The following CCNH variants were observed in gnomAD, a reference collection of about 807,000 sequenced individuals.
The protein encoded by CCNH is cyclin-H.
A neutral mutation model predicts 41.9 loss-of-function variants in CCNH; 31 were observed. That is an observed-to-expected ratio of 0.74 (90% CI 0.56 to 1.00). CCNH has a LOEUF of 1.00. Among genes scored for constraint, CCNH ranks in the 50% least tolerant of loss-of-function variants. The pLI is 0.00. For synonymous variants in CCNH, 138 were observed against 136.1 expected (o/e 1.01, Z -0.10); for missense variants, 362 against 388.4 (o/e 0.93, Z 0.57).
chr5:87,396,125 C>T (rs898915687), intron 7 of CCNH, among the ~76,000 whole-genome samples: 1 of 152,114 alleles, frequency 6.6e-6, no homozygotes, highest in Non-Finnish European at 1.5e-5. Flanking sequence ...TAACTATTTA[C>T]ATAACATTTA....
chr5:87,391,357 A>T (rs1165505600), downstream of CCNH: 3 of 282,574 alleles, frequency 1.1e-5, no homozygotes, highest in Non-Finnish European at 2.0e-5. Context: ...TGACCATTTG[A>T]CTGTTCAATG....
intron 8 of CCNH, 64 bp from the exon 9 acceptor site, chr5:87,394,548 A>ACCTCC: frequency 6.3e-7 from 1 of 1,596,308 alleles, no homozygotes; most frequent in Non-Finnish European, 8.5e-7. Flanking sequence ...TTTACCTCTT[A>ACCTCC]CCTCCCTTTA....
chr5:87,314,413 GA>G (rs1427237959), downstream of CCNH, among the ~76,000 whole-genome samples: 6 of 152,254 alleles, frequency 3.9e-5, no homozygotes, highest in South Asian at 4.1e-4. Context: ...CAGTAAAACT[GA>G]AAAATCTGTT....
chr5:87,383,798 C>CATTTTG, intron 9 of CCNH: 1 of 1,574,946 alleles, frequency 6.3e-7, no homozygotes, highest in Non-Finnish European at 8.7e-7. Context: ...GCTTTTGATA[C>CATTTTG]ATTTTGAAAT....
intron 4 of CCNH, among the ~76,000 whole-genome samples, chr5:87,405,310 C>T (rs143564818): frequency 1.1e-4 from 16 of 152,240 alleles, no homozygotes; most frequent in Non-Finnish European, 4.4e-5. Context: ...AATGTAAGGC[C>T]ACATGTAGGA....
chr5:87,349,374 A>C (rs1311691105), intron 9 of CCNH: 1 of 1,610,786 alleles, frequency 6.2e-7, no homozygotes, highest in East Asian at 2.2e-5. Flanking sequence ...GGTAAATCAT[A>C]ATTTTTTAGC....
intron 7 of CCNH, 107 bp downstream of exon 7, chr5:87,399,287 G>T (rs1763209102): frequency 1.3e-6 from 1 of 773,068 alleles, no homozygotes; most frequent in East Asian, 2.4e-5. Context: ...TGATTTTATG[G>T]ATCAGTCAGC....
At chr5:87,405,327 CTTATTT>C (rs1371613092) in intron 4 of CCNH, among the ~76,000 whole-genome samples, 2 of 152,108 alleles carry the variant, frequency 1.3e-5, no homozygotes, top group Non-Finnish European at 2.9e-5. Flanking sequence ...AGGAATACAC[CTTATTT>C]TTATATGAAA....
At chr5:87,333,598 G>C (rs1247907823) in intron 9 of CCNH, among the ~76,000 whole-genome samples, 1 of 152,172 alleles carries the variant, frequency 6.6e-6, no homozygotes, top group Non-Finnish European at 1.5e-5. Flanking sequence ...AAAGTAAGGA[G>C]AGTTCTGCTT....
intron 7 of CCNH, among the ~76,000 whole-genome samples, chr5:87,397,158 A>AT (rs949846247): frequency 2.6e-4 from 39 of 148,730 alleles, no homozygotes; most frequent in South Asian, 1.7e-3. Context: ...GTGTTTCATA[A>AT]TTTTTTTTTT....
At chr5:87,346,394 A>T (rs1388098931) in intron 9 of CCNH, among the ~76,000 whole-genome samples, 2 of 152,012 alleles carry the variant, frequency 1.3e-5, no homozygotes, top group Non-Finnish European at 2.9e-5. Flanking sequence ...GACCTATAAC[A>T]GTCTGTTATT....
chr5:87,382,443 C>G (rs1194830710), intron 9 of CCNH, among the ~76,000 whole-genome samples: 2 of 152,086 alleles, frequency 1.3e-5, no homozygotes, highest in African/African-American at 4.8e-5. Context: ...GGGAATAATG[C>G]TTGTCTTTAC....
chr5:87,369,974 A>G (rs2112475059), intron 9 of CCNH: 2 of 1,237,154 alleles, frequency 1.6e-6, no homozygotes, highest in South Asian at 1.3e-5. Context: ...GGAATAGAAA[A>G]TGATCGCATT....
chr5:87,402,993 TA>T (rs1409887366), intron 5 of CCNH, among the ~76,000 whole-genome samples: 1 of 152,064 alleles, frequency 6.6e-6, no homozygotes, highest in Non-Finnish European at 1.5e-5. Context: ...TAAGAATACC[TA>T]AAGTAGCAGA....
At chr5:87,408,235 A>G (rs747458967) in intron 3 of CCNH, 49 bp from the exon 4 acceptor site, 2 of 858,856 alleles carry the variant, frequency 2.3e-6, no homozygotes, top group East Asian at 2.4e-5. Context: ...GTGGGGTGGA[A>G]GAACATGCAT....
chr5:87,313,517 A>G (rs1756081146), downstream of CCNH, among the ~76,000 whole-genome samples: 1 of 152,200 alleles, frequency 6.6e-6, no homozygotes, highest in African/African-American at 2.4e-5. Flanking sequence ...ACTTTTTGAC[A>G]GATTTGTTTT....
intron 5 of CCNH, among the ~76,000 whole-genome samples, chr5:87,403,724 A>G (rs3093809): frequency 0.12 from 18,323 of 152,170 alleles, 1,402 homozygotes; most frequent in Middle Eastern, 0.24. Context: ...TGAGGCTGCA[A>G]TGAGCTTTGA....
exon 1 of CCNH, chr5:87,377,092 A>G (rs762714150): frequency 2.6e-6 from 4 of 1,544,554 alleles, no homozygotes; most frequent in East Asian, 4.5e-5. Context: ...TAGATTTTAT[A>G]TCAAGGATAT....
chr5:87,394,908 TAAGG>T, intron 8 of CCNH, 132 bp downstream of exon 8: 9 of 1,522,730 alleles, frequency 5.9e-6, no homozygotes, highest in Non-Finnish European at 7.9e-6. Context: ...GTACTGTACG[TAAGG>T]AAGTATGCAA....
Sources: gnomAD v4.1 joint callset for allele counts (sites outside exome capture counted in the v4.1 genomes callset) on GRCh38, gnomAD v4.1.1 for gene constraint, MANE v1.5 for transcripts, NCBI Gene and HGNC (gene_info 2026-07-23, HGNC 2026-07-21) for gene names.